The following CKLF variants were observed in gnomAD, a reference collection of about 807,000 sequenced individuals.
CKLF encodes chemokine-like factor.
A neutral mutation model predicts 12.9 loss-of-function variants in CKLF; 16 were observed. That is an observed-to-expected ratio of 1.24 (90% CI 0.84 to 1.88). The LOEUF is 1.88. Among genes scored for constraint, CKLF ranks in the 40% most tolerant of loss-of-function variants. CKLF has a pLI of 0.00. For synonymous variants in CKLF, 61 were observed against 69.0 expected (o/e 0.88, Z 0.57); for missense variants, 172 against 188.5 (o/e 0.91, Z 0.51).
Position 66,552,661 on chromosome 16 carries a change from G to A in CKLF, c.-55G>A, listed in dbSNP as rs1460663696. The stretch of plus-strand genomic sequence containing the variant: ...GCTATCGCTTCGCAGAACCTACTCA[G>A]GCAGCCAGCTGAGAAGAGTTGAGGG... On this transcript the variant is annotated 5_prime_UTR_variant, in exon 1 of 4. Transcript: ENST00000264001. 6.2e-7 allele frequency: 1 copy of A among 1,613,306 alleles called. No individual in the cohort carries two copies. Among genetic ancestry groups the A allele is most frequent in the Admixed American group, 1.7e-5 (1 of 60,020 alleles).
intron 2 of CKLF, among the ~76,000 whole-genome samples, chr16:66,560,518 A>T (rs548023896): frequency 2.0e-5 from 3 of 152,296 alleles, no homozygotes; most frequent in East Asian, 3.9e-4. Context: ...TACTTAAAAG[A>T]TATTCATATG....
At chr16:66,562,116 A>G (rs548912875) in intron 2 of CKLF, among the ~76,000 whole-genome samples, 93 of 152,074 alleles carry the variant, frequency 6.1e-4, no homozygotes, top group African/African-American at 2.2e-3. Context: ...ACGGAGTAAA[A>G]AAAATTCCAC....
Position 66,565,910 on chromosome 16 carries a change from T to A in CKLF, c.358T>A (p.Cys120Ser). The A allele has an allele frequency of 6.2e-7, 1 of 1,614,188 alleles. No individual in the cohort carries two copies. The highest frequency in any genetic ancestry group is 8.5e-7 in the Non-Finnish European group (1 of 1,180,024). ...GGTGTTTGCACTTGTGACAGCAGTA[T>A]GCTGTCTTGCCGACGGGGCCCTTAT... ...GGVFALVTAV[C>S]CLADGALIYR... The change falls in exon 4 of 4, where the codon TGC becomes AGC. Residue 120 changes from cysteine to serine, a missense_variant. Physicochemically the swap from Cys to Ser is moderately radical, Grantham distance 112 (BLOSUM62 -1). Transcript: ENST00000264001.
At position 66,561,128 on chromosome 16, in the gene CKLF, G is replaced by A. The variant is rs546326079; in HGVS notation, c.238-1994G>A. On this transcript the variant is annotated intron_variant, in intron 2 of 3. Coordinates refer to ENST00000264001, the MANE Select transcript of CKLF (RefSeq NM_016951.4). ...CCAATTAATCTGTAGGTGGGGAAAAGGTAACTTAGAAGTACCTCCATCTGC... is the reference window on the plus strand; with the variant it reads ...CCAATTAATCTGTAGGTGGGGAAAAAGTAACTTAGAAGTACCTCCATCTGC... Among the ~76,000 whole-genome samples, 109 of 152,176 alleles carry A rather than the reference G, an allele frequency of 7.2e-4. 1 individual carries two copies. The highest frequency in any genetic ancestry group is 1.3e-3 in the Non-Finnish European group (89 of 68,006).
chr16:66,559,531 A>G (rs1032322783), intron 2 of CKLF, among the ~76,000 whole-genome samples: 1 of 152,226 alleles, frequency 6.6e-6, no homozygotes, highest in Non-Finnish European at 1.5e-5. Flanking sequence ...CTTCAAGAGG[A>G]TAATGAACAC....
At chr16:66,552,879 G>T (rs372414658) in intron 1 of CKLF, 86 bp downstream of exon 1, 3 of 1,592,610 alleles carry the variant, frequency 1.9e-6, no homozygotes, top group African/African-American at 1.3e-5. Context: ...CTGAACGCCT[G>T]TTTGCTTTTC....
rs75117080 is a variant in CKLF, at chr16:66,563,429, C to T, written c.333+212C>T. On this transcript the variant is annotated intron_variant, in intron 3 of 3. Transcript: ENST00000264001. ...ATTTTATACTAGAAGCAGAATTAAC[C>T]CAATAAAGGGGTTCCTACAGATTTC... Among the ~76,000 whole-genome samples, 749 of 152,172 alleles carry T rather than the reference C, an allele frequency of 4.9e-3. 6 individuals are homozygous for T. Among genetic ancestry groups the T allele is most frequent in the Non-Finnish European group, 9.1e-3 (617 of 68,010 alleles).
chr16:66,552,940 G>C, intron 1 of CKLF, 147 bp downstream of exon 1: 1 of 1,106,912 alleles, frequency 9.0e-7, no homozygotes, highest in South Asian at 1.4e-5. Flanking sequence ...CCTTGGGGAA[G>C]AAGGAGAGAG....
chr16:66,562,023 T>C (rs2011761276), intron 2 of CKLF, among the ~76,000 whole-genome samples: 1 of 152,194 alleles, frequency 6.6e-6, no homozygotes, highest in Non-Finnish European at 1.5e-5. Context: ...CATAGAGATG[T>C]CTGTGGGGGT....
Position 66,565,911 on chromosome 16 carries a change from G to A in CKLF, c.359G>A (p.Cys120Tyr). The change falls in exon 4 of 4, where the codon TGC becomes TAC. Residue 120 changes from cysteine (C) to tyrosine (Y), a missense_variant. By Grantham distance (194) the Cys-to-Tyr change is radical. Coordinates refer to ENST00000264001, the MANE Select transcript of CKLF (RefSeq NM_016951.4). ...GTGTTTGCACTTGTGACAGCAGTAT[G>A]CTGTCTTGCCGACGGGGCCCTTATT... is the stretch of plus-strand genomic sequence containing the variant. ...GGVFALVTAV[C>Y]CLADGALIYR... The A allele has an allele frequency of 1.9e-6, 3 of 1,614,152 alleles. No homozygotes were observed. Among genetic ancestry groups the A allele is most frequent in the Non-Finnish European group, 2.5e-6 (3 of 1,180,018 alleles).
At position 66,552,582 on chromosome 16, in the gene CKLF, A is replaced by G. The variant is rs1387766836; in HGVS notation, c.-134A>G. The G allele has an allele frequency of 1.4e-6, 2 of 1,416,270 alleles. No individual in the cohort carries two copies. Among genetic ancestry groups the G allele is most frequent in the East Asian group, 2.3e-5 (1 of 43,482 alleles). 87.7% of individuals were successfully genotyped at this position (1,416,270 alleles called of 1,614,324 possible). On this transcript the variant is annotated 5_prime_UTR_variant, in exon 1 of 4. Coordinates refer to ENST00000264001, the MANE Select transcript of CKLF (RefSeq NM_016951.4). Reference sequence around the variant, plus strand: ...GTGCGCATGCGCGCAAGAGAGCGGGAAGCCGAGCTGGGCGAGAAGTAGGGG... The same window carrying G: ...GTGCGCATGCGCGCAAGAGAGCGGGGAGCCGAGCTGGGCGAGAAGTAGGGG...
downstream of CKLF, chr16:66,566,237 C>T (rs1338690833): frequency 1.6e-5 from 23 of 1,477,066 alleles, no homozygotes; most frequent in Non-Finnish European, 2.0e-5. The surrounding 1 kb of genome is among the most constrained non-coding windows in gnomAD (Gnocchi z 4.9). Context: ...TGCCGGGATC[C>T]GCCTCAGGGA....
At position 66,565,986 on chromosome 16, in the gene CKLF, T is replaced by C. The variant is rs746032776; in HGVS notation, c.434T>C (p.Val145Ala). The change falls in exon 4 of 4, where the codon GTG becomes GCG. Residue 145 changes from valine (V) to alanine (A), a missense_variant. Transcript: ENST00000264001. ...AGCGGTCCTTACCAGAAAAAGCCTG[T>C]GCATGAAAAAAAAGAAGTTTTGTAA... ...NPSGPYQKKPVHEKKEVL is the reference protein window; with the variant it reads ...NPSGPYQKKPAHEKKEVL 5 of 1,612,352 alleles carry C rather than the reference T, an allele frequency of 3.1e-6. No homozygotes were observed. Among genetic ancestry groups the C allele is most frequent in the East Asian group, 2.2e-5 (1 of 44,892 alleles).
At chr16:66,553,161 A>AAAAACAAAAAC (rs60363473) in intron 1 of CKLF, among the ~76,000 whole-genome samples, 34,479 of 150,194 alleles carry the variant, frequency 0.23, 5,735 homozygotes, top group African/African-American at 0.47. Context: ...CTGCCTCTTT[A>AAAAACAAAAAC]AAAACAAAAA....
intron 1 of CKLF, among the ~76,000 whole-genome samples, chr16:66,557,155 T>G (rs1024320795): frequency 1.3e-5 from 2 of 152,088 alleles, no homozygotes; most frequent in African/African-American, 4.8e-5. Context: ...ATCAGAATTG[T>G]TTTTCTCTGA....
intron 1 of CKLF, among the ~76,000 whole-genome samples, chr16:66,557,896 CAA>C (rs1007434149): frequency 2.0e-5 from 3 of 152,102 alleles, no homozygotes; most frequent in Non-Finnish European, 2.9e-5. Context: ...CTCTAAAAGA[CAA>C]AGAGAAGTCA....
chr16:66,564,475 T>C (rs2012009162), intron 3 of CKLF, among the ~76,000 whole-genome samples: 3 of 150,498 alleles, frequency 2.0e-5, no homozygotes, highest in African/African-American at 7.3e-5. Context: ...TTTTCTTTTT[T>C]TTTTTTTTCT....
At chr16:66,565,355 A>G (rs1480373904) in intron 3 of CKLF, among the ~76,000 whole-genome samples, 1 of 152,174 alleles carries the variant, frequency 6.6e-6, no homozygotes, top group Non-Finnish European at 1.5e-5. Context: ...CTTAAGGTCT[A>G]TTTAGAATCT....
At chr16:66,556,332 G>A (rs945866389) in intron 1 of CKLF, among the ~76,000 whole-genome samples, 3 of 152,074 alleles carry the variant, frequency 2.0e-5, no homozygotes, top group Non-Finnish European at 4.4e-5. Context: ...AAAGAAAAAA[G>A]CATTCATTAA....
Sources: gnomAD v4.1 joint callset for allele counts (sites outside exome capture counted in the v4.1 genomes callset) on GRCh38, gnomAD v4.1.1 for gene constraint, Gnocchi (gnomAD v3.1) non-coding constraint, MANE v1.5 for transcripts, NCBI Gene and HGNC (gene_info 2026-07-23, HGNC 2026-07-21) for gene names.